Variants in PHTF2 observed in about 807,000 individuals in gnomAD.
PHTF2 encodes the protein protein PHTF2.
Under a neutral mutation model 101.2 loss-of-function variants are expected in PHTF2, and 60 were observed. That is an observed-to-expected ratio of 0.59 (90% CI 0.48 to 0.73). The LOEUF is 0.73. PHTF2 is among the 30% of genes least tolerant of loss of function. PHTF2 has a pLI of 0.00. For missense variants in PHTF2, 747 were observed against 908.7 expected (o/e 0.82, Z 2.29); for synonymous variants, 311 against 307.3 (o/e 1.01, Z -0.13).
At position 77,912,527 on chromosome 7, in the gene PHTF2, A is replaced by G. The variant is rs573061952; in HGVS notation, c.776+2118A>G. On this transcript the variant is annotated intron_variant, in intron 9 of 19. Transcript: ENST00000416283. ...TTCTGGTGATAAATTGAAAAGCTGG[A>G]TACTTCCGTTAAGTTATCTCTGTTA... Among the ~76,000 whole-genome samples the G allele has an allele frequency of 2.0e-5, 3 of 152,238 alleles. No homozygotes were observed. In the East Asian group the frequency reaches 5.8e-4, roughly 29 times the overall value.
intron 3 of PHTF2, among the ~76,000 whole-genome samples, chr7:77,883,687 CTT>C (rs1386885566): frequency 2.0e-5 from 3 of 152,232 alleles, no homozygotes; most frequent in South Asian, 2.1e-4. Flanking sequence ...AGGAAAAAGA[CTT>C]TTATCTGCAC....
intron 10 of PHTF2, among the ~76,000 whole-genome samples, chr7:77,920,959 A>C (rs1338997066): frequency 6.6e-6 from 1 of 152,200 alleles, no homozygotes; most frequent in Non-Finnish European, 1.5e-5. Flanking sequence ...TTCTAGGATT[A>C]CAGGCATGAG....
intron 2 of PHTF2, among the ~76,000 whole-genome samples, chr7:77,844,049 G>T (rs1011613642): frequency 6.6e-6 from 1 of 152,162 alleles, no homozygotes; most frequent in South Asian, 2.1e-4. Flanking sequence ...CCAGGCTGAA[G>T]TGCAGTGGTG....
At chr7:77,950,389 G>A (rs558138589) in intron 17 of PHTF2, among the ~76,000 whole-genome samples, 6 of 152,192 alleles carry the variant, frequency 3.9e-5, no homozygotes, top group Non-Finnish European at 5.9e-5. Flanking sequence ...CGCCAGGCAC[G>A]GTGGCTCATA....
At chr7:77,939,068 A>G (rs978070138) in intron 13 of PHTF2, among the ~76,000 whole-genome samples, 11 of 152,274 alleles carry the variant, frequency 7.2e-5, no homozygotes, top group Admixed American at 7.2e-4. Flanking sequence ...TTAACTTACA[A>G]TGGTCTCATT....
chr7:77,932,617 AGAGAGTGTGTGTGT>A (rs1399596538), intron 12 of PHTF2, among the ~76,000 whole-genome samples: 11 of 124,960 alleles, frequency 8.8e-5, no homozygotes, highest in African/African-American at 2.8e-4. Flanking sequence ...AGAGAGAGAG[AGAGAGTGTGTGTGT>A]GTGTGTGTGT....
chr7:77,844,927 A>C (rs568371700), intron 2 of PHTF2, among the ~76,000 whole-genome samples: 38 of 152,248 alleles, frequency 2.5e-4, no homozygotes, highest in Non-Finnish European at 5.4e-4. Flanking sequence ...ATAGTTATGA[A>C]TAATTTTAAA....
chr7:77,905,542 A>G (rs2150847894), intron 7 of PHTF2, among the ~76,000 whole-genome samples: 1 of 152,262 alleles, frequency 6.6e-6, no homozygotes, highest in South Asian at 2.1e-4. Flanking sequence ...TCTGTTGCTC[A>G]GGCTGGAGTG....
intron 3 of PHTF2, among the ~76,000 whole-genome samples, chr7:77,860,771 G>A (rs983182051): frequency 6.6e-6 from 1 of 152,004 alleles, no homozygotes; most frequent in East Asian, 1.9e-4. Context: ...GAGTGCAGTG[G>A]CACAATCACG....
At chr7:77,875,886 A>G (rs1429643940) in intron 3 of PHTF2, among the ~76,000 whole-genome samples, 4 of 152,226 alleles carry the variant, frequency 2.6e-5, no homozygotes, top group Non-Finnish European at 4.4e-5. Flanking sequence ...TGAACACTTC[A>G]TGTGTGCCAC....
intron 13 of PHTF2, 180 bp downstream of exon 12, chr7:77,938,018 T>TC (rs1805300454): frequency 7.5e-6 from 2 of 266,802 alleles, no homozygotes; most frequent in African/African-American, 4.5e-5. Flanking sequence ...ACCAAACCAC[T>TC]CTCATCTTCT....
chr7:77,833,928 G>A (rs1795251399), intron 1 of PHTF2, among the ~76,000 whole-genome samples: 1 of 151,934 alleles, frequency 6.6e-6, no homozygotes. Context: ...AATGTTTTTG[G>A]GTGTGTTAGA....
At chr7:77,917,762 T>C (rs1008338214) in intron 9 of PHTF2, among the ~76,000 whole-genome samples, 5 of 152,238 alleles carry the variant, frequency 3.3e-5, no homozygotes, top group Non-Finnish European at 7.3e-5. Context: ...TCCACTGATA[T>C]TCTTGCAAGT....
intron 1 of PHTF2, among the ~76,000 whole-genome samples, chr7:77,821,311 A>G (rs1355175360): frequency 1.3e-5 from 2 of 152,096 alleles, no homozygotes; most frequent in Non-Finnish European, 2.9e-5. Flanking sequence ...TTTGCCTTGG[A>G]GAGGATCTAT....
intron 2 of PHTF2, among the ~76,000 whole-genome samples, chr7:77,849,331 C>T (rs570689883): frequency 1.1e-3 from 168 of 151,588 alleles, no homozygotes; most frequent in Non-Finnish European, 1.9e-3. Context: ...TTAGTAGAGA[C>T]GGGGTTTCAT....
chr7:77,930,780 A>G (rs759936744), intron 12 of PHTF2, among the ~76,000 whole-genome samples: 14 of 152,138 alleles, frequency 9.2e-5, no homozygotes, highest in Admixed American at 4.6e-4. Context: ...ACACGGTGGA[A>G]ATAAGGGAGC....
chr7:77,854,544 C>T (rs779877259), intron 2 of PHTF2, among the ~76,000 whole-genome samples: 6 of 152,104 alleles, frequency 3.9e-5, no homozygotes, highest in Admixed American at 1.3e-4. Context: ...GAGCATCAAG[C>T]TCCCCTGCCC....
At chr7:77,890,741 G>A (rs1323840579) in intron 3 of PHTF2, among the ~76,000 whole-genome samples, 1 of 151,318 alleles carries the variant, frequency 6.6e-6, no homozygotes, top group Non-Finnish European at 1.5e-5. Flanking sequence ...AAGTAACTGG[G>A]ACTACAGATG....
intron 3 of PHTF2, among the ~76,000 whole-genome samples, chr7:77,876,998 T>A (rs1798998856): frequency 6.6e-6 from 1 of 152,230 alleles, no homozygotes; most frequent in Admixed American, 6.5e-5. Context: ...ATAGGTTTGT[T>A]AAATAGAACT....
Sources: allele counts gnomAD v4.1 joint callset (sites outside exome capture counted in the v4.1 genomes callset), GRCh38; gene constraint gnomAD v4.1.1; transcripts MANE v1.5; gene names NCBI Gene and HGNC (gene_info 2026-07-23, HGNC 2026-07-21).